Variants in PRKD3 observed in about 807,000 individuals in gnomAD.
PRKD3 encodes the protein serine/threonine-protein kinase D3.
A neutral mutation model predicts 99.2 loss-of-function variants in PRKD3; 47 were observed. The observed-to-expected ratio is 0.47, with a 90% CI of 0.38 to 0.60. The LOEUF is 0.60. Ranked by LOEUF, PRKD3 falls within the 20% of genes least tolerant of loss-of-function variation. The pLI, the probability that PRKD3 is intolerant of heterozygous loss-of-function variation, is 0.00. For synonymous variants in PRKD3, 392 were observed against 355.4 expected (o/e 1.10, Z -1.16); for missense variants, 1,019 against 1,088.4 (o/e 0.94, Z 0.90).
At chr2:37,279,110 T>C (rs1411617877) in intron 8 of PRKD3, 2 of 152,158 alleles carry the variant, frequency 1.3e-5, no homozygotes, top group African/African-American at 4.8e-5. Context: ...AATGACTCAT[T>C]TTCTTTAAGT....
chr2:37,301,979 C>T (rs1443588100), intron 2 of PRKD3, among the ~76,000 whole-genome samples: 1 of 152,130 alleles, frequency 6.6e-6, no homozygotes, highest in Non-Finnish European at 1.5e-5. Flanking sequence ...AGGGCAGCCC[C>T]CACAAGAATT....
chr2:37,291,089 C>A, intron 3 of PRKD3, 90 bp from the exon 4 acceptor site: 3 of 1,216,258 alleles, frequency 2.5e-6, no homozygotes, highest in Non-Finnish European at 3.3e-6. Flanking sequence ...TCAAAGTACA[C>A]AGAATCATTT....
At position 37,271,433 on chromosome 2, in the gene PRKD3, C is replaced by A. The variant is rs559417978; in HGVS notation, c.1704+947G>T. Among the ~76,000 whole-genome samples, 3 of 152,308 alleles carry A rather than the reference C, an allele frequency of 2.0e-5. No homozygotes were observed. In the South Asian group the frequency reaches 6.2e-4, roughly 32 times the overall value. ...TTATTGGAACACAGCCATGCCTGTT[C>A]ACTTATGTATTGCCTATAGCTGCTT... On this transcript the variant is annotated intron_variant, in intron 12 of 18. Coordinates refer to ENST00000234179, the MANE Select transcript of PRKD3 (RefSeq NM_005813.6).
At chr2:37,323,562 G>C (rs1280169339) in intron 1 of PRKD3, among the ~76,000 whole-genome samples, 1 of 151,994 alleles carries the variant, frequency 6.6e-6, no homozygotes, top group Non-Finnish European at 1.5e-5. Flanking sequence ...TCGTTGACAA[G>C]GAAAAACTGG....
In PRKD3 at chr2:37,251,787, C is replaced by A. The variant is rs985542006; in HGVS notation, c.*1390G>T. ...TACAGACTGAGGAACTGCCGACAGA[C>A]CTGCCATCTGTCCAGGCCAACATAA... On this transcript the variant is annotated 3_prime_UTR_variant, in exon 19 of 19. Transcript: ENST00000234179. 2.0e-5 allele frequency: 3 copies of A among 152,012 alleles called. No homozygotes were observed. Among genetic ancestry groups the A allele is most frequent in the African/African-American group, 7.2e-5 (3 of 41,384 alleles). The allele number at this position is 152,012 out of a possible 1,614,324, so 9.4% of individuals were successfully genotyped here. A position where few individuals can be genotyped will look rare whatever the true frequency, so the allele number is the denominator to read the frequency against.
intron 2 of PRKD3, among the ~76,000 whole-genome samples, chr2:37,306,569 G>GAAGCCA (rs1174542869): frequency 1.3e-5 from 2 of 152,196 alleles, no homozygotes; most frequent in Non-Finnish European, 2.9e-5. Flanking sequence ...AGCACTCTGG[G>GAAGCCA]AAGCCAAGGT....
chr2:37,298,961 G>C (rs556336817), intron 2 of PRKD3, among the ~76,000 whole-genome samples: 2 of 151,870 alleles, frequency 1.3e-5, no homozygotes, highest in Admixed American at 6.6e-5. Flanking sequence ...CCAGTATTAT[G>C]TTGAACAAAA....
At chr2:37,259,983 G>A (rs1381774852) in intron 15 of PRKD3, among the ~76,000 whole-genome samples, 1 of 152,032 alleles carries the variant, frequency 6.6e-6, no homozygotes, top group Non-Finnish European at 1.5e-5. Flanking sequence ...TGGCCAACAC[G>A]GTGAAACCCC....
rs1055686141 is a variant in PRKD3 at position 37,265,073 on chromosome 2, C to T, written c.1884+2357G>A. On this transcript the variant is annotated intron_variant, in intron 14 of 18. Coordinates refer to ENST00000234179, the MANE Select transcript of PRKD3 (RefSeq NM_005813.6). Reference sequence around the variant, plus strand: ...GGGCATGGGAAAGAAAAGCTATGGACGCCTCTAGGGATGCAGGTAAAGGTA... The same window carrying T: ...GGGCATGGGAAAGAAAAGCTATGGATGCCTCTAGGGATGCAGGTAAAGGTA... 3.3e-5 allele frequency among the ~76,000 whole-genome samples: 5 copies of T among 152,076 alleles called. No homozygotes were observed. In the East Asian group the frequency reaches 5.8e-4, roughly 18 times the overall value.
chr2:37,277,971 A>G lies in PRKD3; in HGVS notation c.1191T>C (p.Asn397=). 1 of 1,603,822 alleles carries G rather than the reference A, an allele frequency of 6.2e-7. No homozygotes were observed. Among genetic ancestry groups the G allele is most frequent in the African/African-American group, 1.3e-5 (1 of 74,702 alleles). Reference sequence around the variant, plus strand: ...ATTGTACAACCCTCATTAGCGGAATATTATTGCTTGTTGATGGACTAAAAA... The same window carrying G: ...ATTGTACAACCCTCATTAGCGGAATGTTATTGCTTGTTGATGGACTAAAAA... The part of the protein sequence containing the change: ...VKTISPSTSN[N]IPLMRVVQSI... The change falls in exon 9 of 19, where the codon AAT becomes AAC. Residue 397 remains asparagine (N), a synonymous_variant. Transcript: ENST00000234179.
At chr2:37,312,115 T>C (rs1229176847) in intron 2 of PRKD3, among the ~76,000 whole-genome samples, 2 of 152,198 alleles carry the variant, frequency 1.3e-5, no homozygotes, top group Non-Finnish European at 2.9e-5. Flanking sequence ...CTATAATTTT[T>C]AAAAAAGCTA....
chr2:37,277,962 T>C lies in PRKD3; in HGVS notation c.1200A>G (p.Leu400=). Residue 400 remains leucine (L), a synonymous_variant, in exon 9 of 19, where the codon CTA becomes CTG. Transcript: ENST00000234179. ...GCTTGATGGATTGTACAACCCTCAT[T>C]AGCGGAATATTATTGCTTGTTGATG... ...ISPSTSNNIP[L]MRVVQSIKHT... is the part of the protein sequence containing the mutation. 6.2e-7 allele frequency: 1 copy of C among 1,609,072 alleles called. No homozygotes were observed. Among genetic ancestry groups the C allele is most frequent in the Non-Finnish European group, 8.5e-7 (1 of 1,176,462 alleles).
chr2:37,272,132 T>G (rs536741034), intron 12 of PRKD3, among the ~76,000 whole-genome samples: 1 of 152,284 alleles, frequency 6.6e-6, no homozygotes, highest in East Asian at 1.9e-4. Context: ...TGCCTTCTCT[T>G]TGAACCAGTC....
rs1479501114 is a variant in PRKD3 at position 37,277,705 on chromosome 2, CCTTACAAATTT to C, written c.1296+150_1296+160del. ...TTAAATATTCTGCCTGTTAAAAATTCCTTACAAATTTAACTATAATTCCAGTGCATCTTTTA... is the reference window on the plus strand; with the variant it reads ...TTAAATATTCTGCCTGTTAAAAATTCAACTATAATTCCAGTGCATCTTTTA... On this transcript the variant is annotated intron_variant, in intron 9 of 18. Transcript: ENST00000234179. Among the ~76,000 whole-genome samples, 8 of 152,224 alleles carry C rather than the reference CCTTACAAATTT, an allele frequency of 5.3e-5. No individual in the cohort carries two copies. The East Asian group carries it at 1.5e-3, about 29-fold the overall frequency.
intron 14 of PRKD3, among the ~76,000 whole-genome samples, chr2:37,262,250 G>A (rs1668520821): frequency 6.6e-6 from 1 of 152,114 alleles, no homozygotes; most frequent in Non-Finnish European, 1.5e-5. Flanking sequence ...GATGTTTCTT[G>A]AAGCCTTAAT....
chr2:37,310,907 T>A (rs1671397375), intron 2 of PRKD3, among the ~76,000 whole-genome samples: 1 of 152,204 alleles, frequency 6.6e-6, no homozygotes, highest in African/African-American at 2.4e-5. Flanking sequence ...TGCTCATTGC[T>A]GGCAACTACA....
At chr2:37,286,070 T>C in intron 6 of PRKD3, 107 bp downstream of exon 6, 1 of 974,966 alleles carries the variant, frequency 1.0e-6, no homozygotes, top group Non-Finnish European at 1.5e-6. Flanking sequence ...ATAACAATTA[T>C]GAGAATAATT....
intron 2 of PRKD3, among the ~76,000 whole-genome samples, chr2:37,302,924 G>A (rs962836928): frequency 6.6e-6 from 1 of 152,120 alleles, no homozygotes; most frequent in Non-Finnish European, 1.5e-5. Context: ...CCCAAAGTGA[G>A]AACTTCTATC....
At chr2:37,282,254 C>T (rs992954334) in intron 7 of PRKD3, 1 of 330,176 alleles carries the variant, frequency 3.0e-6, no homozygotes, top group Non-Finnish European at 5.6e-6. Flanking sequence ...GAGACAAGAG[C>T]AGGGTTTTAA....
Sources: gnomAD v4.1 joint callset for allele counts (sites outside exome capture counted in the v4.1 genomes callset) on GRCh38, gnomAD v4.1.1 for gene constraint, MANE v1.5 for transcripts, NCBI Gene and HGNC (gene_info 2026-07-23, HGNC 2026-07-21) for gene names.